Variants in ADAMTSL1 observed in about 807,000 individuals in gnomAD.
The protein encoded by ADAMTSL1 is ADAMTS like 1.
A neutral mutation model predicts 201.8 loss-of-function variants in ADAMTSL1; 126 were observed. The observed-to-expected ratio is 0.62, with a 90% CI of 0.54 to 0.72. The LOEUF (loss-of-function observed/expected upper bound fraction) is 0.72. Ranked by LOEUF, ADAMTSL1 falls within the 30% of genes least tolerant of loss-of-function variation. The pLI, the probability that ADAMTSL1 is intolerant of heterozygous loss-of-function variation, is 0.00. For missense variants in ADAMTSL1, 2,679 were observed against 2,277.8 expected (o/e 1.18, Z -3.59); for synonymous variants, 1,121 against 903.4 (o/e 1.24, Z -4.32).
intron 2 of ADAMTSL1, among the ~76,000 whole-genome samples, chr9:18,187,596 C>T (rs1282947175): frequency 6.6e-6 from 1 of 151,790 alleles, no homozygotes; most frequent in Non-Finnish European, 1.5e-5. Context: ...AAAAAGGAAG[C>T]CAGATTATTT....
chr9:17,993,537 G>A (rs748463366), intron 1 of ADAMTSL1, among the ~76,000 whole-genome samples: 26 of 152,140 alleles, frequency 1.7e-4, no homozygotes, highest in South Asian at 8.3e-4. Flanking sequence ...ATAAATTTTC[G>A]TTTTTGGGAA....
chr9:18,163,628 C>T (rs897670061), intron 1 of ADAMTSL1, among the ~76,000 whole-genome samples: 10 of 151,966 alleles, frequency 6.6e-5, no homozygotes, highest in African/African-American at 2.2e-4. Context: ...TGAGATTGTA[C>T]ACCCGTCAGT....
At chr9:18,224,907 C>G (rs888226611) in intron 2 of ADAMTSL1, among the ~76,000 whole-genome samples, 2 of 152,110 alleles carry the variant, frequency 1.3e-5, no homozygotes, top group Admixed American at 6.6e-5. Context: ...ATTTTCCACT[C>G]TTTGTTTTGT....
chr9:18,887,542 A>G lies in ADAMTSL1; in HGVS notation c.4250-289A>G, dbSNP rs936375817. 2.0e-5 allele frequency among the ~76,000 whole-genome samples: 3 copies of G among 152,234 alleles called. No homozygotes were observed. The East Asian group carries it at 5.8e-4, about 29-fold the overall frequency. ...TGAAAAAACTGTTCAATGAATGAAG[A>G]TTAATTGTATCTTTTTTTAAAGTTA... On this transcript the variant is annotated intron_variant, in intron 23 of 28. Transcript: ENST00000380548.
chr9:18,721,011 T>A (rs532919210), intron 14 of ADAMTSL1, among the ~76,000 whole-genome samples: 4 of 152,234 alleles, frequency 2.6e-5, no homozygotes, highest in East Asian at 3.9e-4. Context: ...ACAAAAGAAA[T>A]GAACCAGAAT....
intron 9 of ADAMTSL1, among the ~76,000 whole-genome samples, chr9:18,668,174 C>T (rs2133072134): frequency 6.6e-6 from 1 of 152,188 alleles, no homozygotes; most frequent in East Asian, 1.9e-4. Flanking sequence ...AACTTCTTAC[C>T]TTTTGATCAA....
At chr9:18,497,571 C>G (rs1822594740) in intron 1 of ADAMTSL1, among the ~76,000 whole-genome samples, 1 of 152,122 alleles carries the variant, frequency 6.6e-6, no homozygotes, top group Non-Finnish European at 1.5e-5. Context: ...TTCTCTCAGT[C>G]TTATGACAAA....
intron 1 of ADAMTSL1, among the ~76,000 whole-genome samples, chr9:17,967,565 CA>C (rs963975590): frequency 4.6e-5 from 7 of 151,884 alleles, no homozygotes; most frequent in African/African-American, 1.7e-4. Flanking sequence ...ATATAGATGA[CA>C]AAAAAGAGGC....
intron 2 of ADAMTSL1, among the ~76,000 whole-genome samples, chr9:18,346,759 A>G (rs982075544): frequency 6.6e-6 from 1 of 152,132 alleles, no homozygotes; most frequent in Non-Finnish European, 1.5e-5. Context: ...GCTAATTAAC[A>G]AGAAAACAGA....
chr9:18,465,013 A>G (rs573791658), intron 2 of ADAMTSL1, among the ~76,000 whole-genome samples: 2 of 152,340 alleles, frequency 1.3e-5, no homozygotes, highest in South Asian at 4.1e-4. Context: ...CTTGTATTTG[A>G]TCATTATGTT....
chr9:18,212,540 C>T (rs1453265889), intron 2 of ADAMTSL1, among the ~76,000 whole-genome samples: 1 of 152,140 alleles, frequency 6.6e-6, no homozygotes, highest in Admixed American at 6.5e-5. Flanking sequence ...ACTGGATTGG[C>T]CAGGCTGAAG....
intron 1 of ADAMTSL1, among the ~76,000 whole-genome samples, chr9:18,054,158 A>G (rs1467536402): frequency 6.6e-6 from 1 of 152,150 alleles, no homozygotes; most frequent in African/African-American, 2.4e-5. Flanking sequence ...ATAGTTATGT[A>G]TGTGTGTGTA....
chr9:18,422,561 T>G (rs1255879892), intron 2 of ADAMTSL1, among the ~76,000 whole-genome samples: 1 of 152,098 alleles, frequency 6.6e-6, no homozygotes, highest in African/African-American at 2.4e-5. Flanking sequence ...TACTCCTGCT[T>G]CTTGTATTTC....
intron 14 of ADAMTSL1, among the ~76,000 whole-genome samples, chr9:18,709,479 G>C (rs915621464): frequency 1.3e-5 from 2 of 152,118 alleles, no homozygotes; most frequent in African/African-American, 4.8e-5. Context: ...AGATGAAATT[G>C]GATAGACAGA....
chr9:18,219,841 C>G (rs1033350332), intron 2 of ADAMTSL1, among the ~76,000 whole-genome samples: 1 of 152,036 alleles, frequency 6.6e-6, no homozygotes, highest in African/African-American at 2.4e-5. Flanking sequence ...CAACTGATAT[C>G]AAGTGTACTG....
At chr9:18,659,919 TA>T (rs5896794) in intron 8 of ADAMTSL1, among the ~76,000 whole-genome samples, 21,122 of 151,608 alleles carry the variant, frequency 0.14, 1,692 homozygotes, top group South Asian at 0.21. Context: ...TTGTTTTTTT[TA>T]AAAAAAAAAA....
chr9:18,267,949 C>G (rs7862683), intron 2 of ADAMTSL1, among the ~76,000 whole-genome samples: 54,763 of 151,692 alleles, frequency 0.36, 10,809 homozygotes, highest in South Asian at 0.51. Context: ...TTCTCATAAT[C>G]TCAGAATTTC....
In ADAMTSL1 at chr9:18,906,161, G is replaced by A. The variant is rs144092753; in HGVS notation, c.4961+270G>A. 1.2e-3 allele frequency among the ~76,000 whole-genome samples: 180 copies of A among 152,258 alleles called. 2 individuals are homozygous for A. The Middle Eastern group carries it at 0.027, about 23-fold the overall frequency. ...TCTTCTGAGAGAGGCCTCATACCTC[G>A]AGAGACCTGCACTAGCCCCAGGGTG... On this transcript the variant is annotated intron_variant, in intron 27 of 28. Coordinates refer to ENST00000380548, the MANE Select transcript of ADAMTSL1 (RefSeq NM_001040272.6).
intron 20 of ADAMTSL1, among the ~76,000 whole-genome samples, chr9:18,811,036 C>CA (rs1823474426): frequency 1.1e-5 from 1 of 88,126 alleles, no homozygotes; most frequent in Admixed American, 1.5e-4. Context: ...AAAAAAAAAA[C>CA]AAACACCAGC....
Sources: gnomAD v4.1 joint callset for allele counts (sites outside exome capture counted in the v4.1 genomes callset) on GRCh38, gnomAD v4.1.1 for gene constraint, MANE v1.5 for transcripts, NCBI Gene and HGNC (gene_info 2026-07-23, HGNC 2026-07-21) for gene names.